The following TBC1D22A variants were observed in gnomAD, a reference collection of about 807,000 sequenced individuals.
TBC1D22A encodes the protein putative GTPase activator.
In TBC1D22A, 38 loss-of-function variants were observed where a neutral mutation model predicts 60.2. That is an observed-to-expected ratio of 0.63 (90% confidence interval 0.49 to 0.83). TBC1D22A has a LOEUF of 0.83. TBC1D22A is among the 40% of genes least tolerant of loss of function. The pLI is 0.00. For missense variants in TBC1D22A, 628 were observed against 701.0 expected, an observed-to-expected ratio of 0.90 and a Z score of 1.18; for synonymous variants, 302 against 281.7, an observed-to-expected ratio of 1.07 and a Z score of -0.72.
At chr22:47,096,956 G>T (rs1325401432) in intron 11 of TBC1D22A, among the ~76,000 whole-genome samples, 1 of 148,860 alleles carries the variant, frequency 6.7e-6, no homozygotes, top group Non-Finnish European at 1.5e-5. Context: ...CTTCCACGTG[G>T]ATAGCCAGTT....
At chr22:46,837,801 C>T (rs912616107) in intron 4 of TBC1D22A, among the ~76,000 whole-genome samples, 4 of 152,212 alleles carry the variant, frequency 2.6e-5, no homozygotes, top group East Asian at 1.9e-4. Context: ...CAGTGGCTCA[C>T]GCCTGTAATC....
chr22:46,854,738 C>T (rs1315511414), intron 4 of TBC1D22A, among the ~76,000 whole-genome samples: 1 of 152,172 alleles, frequency 6.6e-6, no homozygotes, highest in Non-Finnish European at 1.5e-5. Flanking sequence ...CACATTGAAA[C>T]GTGGCTTTGA....
At chr22:46,852,293 G>T (rs115188187) in intron 4 of TBC1D22A, among the ~76,000 whole-genome samples, 2 of 152,162 alleles carry the variant, frequency 1.3e-5, no homozygotes, top group Admixed American at 1.3e-4. Flanking sequence ...CCGGCTTCCC[G>T]GCCCGCAGAG....
intron 11 of TBC1D22A, among the ~76,000 whole-genome samples, chr22:47,111,144 G>A (rs139347944): frequency 3.3e-5 from 5 of 152,176 alleles, no homozygotes; most frequent in African/African-American, 4.8e-5. Flanking sequence ...TCCCTCACGC[G>A]CCCTTTGTGA....
chr22:47,001,318 T>C (rs76980926), intron 10 of TBC1D22A, among the ~76,000 whole-genome samples: 2 of 127,134 alleles, frequency 1.6e-5, no homozygotes, highest in Non-Finnish European at 3.3e-5. Flanking sequence ...TTTTTTTTTT[T>C]AATAACTCCA....
chr22:47,068,129 G>A (rs755685189), intron 11 of TBC1D22A, among the ~76,000 whole-genome samples: 10 of 152,264 alleles, frequency 6.6e-5, no homozygotes, highest in Non-Finnish European at 1.0e-4. Flanking sequence ...CACCTGGCTT[G>A]TTTTCTTCTT....
At position 46,937,339 on chromosome 22, in the gene TBC1D22A, C is replaced by T. The variant is rs528250928; in HGVS notation, c.1015+25151C>T. Among the ~76,000 whole-genome samples, 5 of 152,254 alleles carry T rather than the reference C, an allele frequency of 3.3e-5. No individual in the cohort carries two copies. The East Asian group carries it at 7.7e-4, about 23-fold the overall frequency. Reference sequence around the variant, plus strand: ...TGACGTTTCTGTCAACACTGGATGGCGTATACCACAGAACTGTGTGCGAGC... The same window carrying T: ...TGACGTTTCTGTCAACACTGGATGGTGTATACCACAGAACTGTGTGCGAGC... On this transcript the variant is annotated intron_variant, in intron 8 of 12. Transcript: ENST00000337137.
chr22:46,970,347 A>G (rs1278796171), intron 8 of TBC1D22A, among the ~76,000 whole-genome samples: 2 of 151,998 alleles, frequency 1.3e-5, no homozygotes, highest in Admixed American at 6.6e-5. Flanking sequence ...TTTCCTTTCA[A>G]TCGCGTTTCT....
At chr22:47,052,820 A>G (rs1471989440) in intron 11 of TBC1D22A, among the ~76,000 whole-genome samples, 6 of 152,162 alleles carry the variant, frequency 3.9e-5, no homozygotes, top group African/African-American at 1.4e-4. Context: ...CCAATCAGTG[A>G]CACCAAGCCC....
chr22:46,801,555 G>GT (rs1311804767), intron 4 of TBC1D22A, among the ~76,000 whole-genome samples: 27 of 152,254 alleles, frequency 1.8e-4, no homozygotes, highest in African/African-American at 6.0e-4. Context: ...TGCCTGCTTT[G>GT]AAGCCCCGGA....
chr22:47,074,984 G>T (rs1052023159), intron 11 of TBC1D22A, among the ~76,000 whole-genome samples: 5 of 152,198 alleles, frequency 3.3e-5, no homozygotes, highest in African/African-American at 1.2e-4. Flanking sequence ...ACCACTTTGG[G>T]AGGCCAAGGC....
rs2061711220 is a variant in TBC1D22A at position 47,010,058 on chromosome 22, A to G, written c.1201+12349A>G. ...GGAGAATGGTTCCACCTGTGTGGGA[A>G]ACGGCTTTATGTACCTGAACATTTT... On this transcript the variant is annotated intron_variant, in intron 10 of 12. Transcript: ENST00000337137. Among the ~76,000 whole-genome samples the G allele has an allele frequency of 4.6e-5, 7 of 152,228 alleles. 1 individual carries two copies. Among genetic ancestry groups the G allele is most frequent in the Admixed American group, 4.6e-4 (7 of 15,286 alleles).
chr22:46,905,414 GTCGCC>G (rs1352843597), intron 7 of TBC1D22A, among the ~76,000 whole-genome samples: 2 of 152,340 alleles, frequency 1.3e-5, no homozygotes, highest in East Asian at 3.9e-4. Context: ...GTCTGTGCCT[GTCGCC>G]TCTGCTCAGA....
At chr22:46,940,524 T>C (rs1198996580) in intron 8 of TBC1D22A, among the ~76,000 whole-genome samples, 4 of 144,252 alleles carry the variant, frequency 2.8e-5, no homozygotes, top group East Asian at 2.0e-4. Context: ...GCATGGGGAC[T>C]GGGGCACTAG....
At chr22:47,070,397 C>A (rs1044236277) in intron 11 of TBC1D22A, among the ~76,000 whole-genome samples, 2 of 144,060 alleles carry the variant, frequency 1.4e-5, no homozygotes, top group Non-Finnish European at 3.0e-5. Context: ...TGGAGCGGAG[C>A]TGACCTGACG....
chr22:46,763,316 G>A (rs2083168611), intron 1 of TBC1D22A: 1 of 155,392 alleles, frequency 6.4e-6, no homozygotes, highest in Non-Finnish European at 1.4e-5. Flanking sequence ...GCATAGAAGA[G>A]GACTAGAGTT....
At chr22:47,045,874 C>T (rs1372103009) in intron 11 of TBC1D22A, among the ~76,000 whole-genome samples, 1 of 152,164 alleles carries the variant, frequency 6.6e-6, no homozygotes, top group Non-Finnish European at 1.5e-5. Flanking sequence ...CTTCAGGTGG[C>T]TGCAGCCTTG....
chr22:46,930,156 T>C (rs1352166263), intron 8 of TBC1D22A, among the ~76,000 whole-genome samples: 1 of 152,252 alleles, frequency 6.6e-6, no homozygotes. Context: ...GTCCGTTTTC[T>C]TGATTCCTGG....
At chr22:46,775,719 G>A (rs1161314611) in intron 1 of TBC1D22A, among the ~76,000 whole-genome samples, 1 of 152,248 alleles carries the variant, frequency 6.6e-6, no homozygotes, top group Non-Finnish European at 1.5e-5. Context: ...AGATGTGCCT[G>A]CCTCAGCCGT....
Sources: gnomAD v4.1 joint callset for allele counts (sites outside exome capture counted in the v4.1 genomes callset) on GRCh38, gnomAD v4.1.1 for gene constraint, MANE v1.5 for transcripts, NCBI Gene and HGNC (gene_info 2026-07-23, HGNC 2026-07-21) for gene names.